Variants in CLCNKB observed in about 807,000 individuals in gnomAD.
CLCNKB encodes the protein chloride voltage-gated channel Kb, also known as chloride channel protein ClC-Kb.
CLCNKB carries 74 observed loss-of-function variants against 83.8 expected under a neutral mutation model. The observed-to-expected ratio is 0.88, with a 90% CI of 0.73 to 1.07. The LOEUF is 1.07. Ranked by LOEUF, CLCNKB falls within the 50% of genes least tolerant of loss-of-function variation. The pLI, the probability that CLCNKB is intolerant of heterozygous loss-of-function variation, is 0.00. For missense variants in CLCNKB, 798 were observed against 893.6 expected (o/e 0.89, Z 1.36); for synonymous variants, 358 against 356.6 (o/e 1.00, Z -0.04).
chr1:16,046,052 A>G (rs1483793253), intron 3 of CLCNKB, among the ~76,000 whole-genome samples: 2 of 152,120 alleles, frequency 1.3e-5, no homozygotes, highest in East Asian at 3.9e-4. Context: ...ATCCCACCCC[A>G]TCCCTCAGCA....
rs374011061 is a variant in CLCNKB, at chr1:16,049,962, CT to C, written c.968+47del. On this transcript the variant is annotated intron_variant, in intron 10 of 19. Coordinates refer to ENST00000375679, the MANE Select transcript of CLCNKB (RefSeq NM_000085.5). ...TGGGGACCTCTCAGCGAGCTCCCCC[CT>C]CACCGTACTCCCAACCTTATGTAGA... The C allele has an allele frequency of 2.3e-3, 3,410 of 1,484,122 alleles. 32 individuals are homozygous for C. Among genetic ancestry groups the C allele is most frequent in the Middle Eastern group, 8.4e-3 (49 of 5,828 alleles). 91.9% of individuals were successfully genotyped at this position (1,484,122 alleles called of 1,614,324 possible).
chr1:16,055,555 C>CGGGGGG, intron 17 of CLCNKB, 32 bp downstream of exon 17: 4 of 697,144 alleles, frequency 5.7e-6, no homozygotes, highest in Non-Finnish European at 9.9e-6. Flanking sequence ...GGGGATGGGG[C>CGGGGGG]GGGGGTGGGT....
rs1277993327 is a variant in CLCNKB, at chr1:16,049,816, G to A, written c.868G>A (p.Gly290Ser). Residue 290 changes from glycine to serine, a missense_variant and splice_region_variant, in exon 10 of 20, where the codon GGT becomes AGT. Transcript: ENST00000375679. ...PEIFFFVALG[G>S]LCGILGSAYL... ...GGCTCATGTCTCCATGCTCCCCAGGGGTCTCTGTGGCATCCTGGGCAGCGC... is the reference window on the plus strand; with the variant it reads ...GGCTCATGTCTCCATGCTCCCCAGGAGTCTCTGTGGCATCCTGGGCAGCGC... 2 of 1,613,678 alleles carry A rather than the reference G, an allele frequency of 1.2e-6. No individual in the cohort carries two copies. Among genetic ancestry groups the A allele is most frequent in the East Asian group, 2.2e-5 (1 of 44,858 alleles).
rs1048569990 is a variant in CLCNKB, at chr1:16,048,435, G to A, written c.576+15G>A. On this transcript the variant is annotated intron_variant, in intron 6 of 19. Coordinates refer to ENST00000375679, the MANE Select transcript of CLCNKB (RefSeq NM_000085.5). Reference sequence around the variant, plus strand: ...GGGAGCCTGAGGTTAGGGACTCGGGGGCTTCCTTGGAGAAATGGGAGTGGG... The same window carrying A: ...GGGAGCCTGAGGTTAGGGACTCGGGAGCTTCCTTGGAGAAATGGGAGTGGG... 5.6e-6 allele frequency: 9 copies of A among 1,613,792 alleles called. No homozygotes were observed. The highest frequency in any genetic ancestry group is 1.3e-5 in the African/African-American group (1 of 74,868).
At chr1:16,050,770 G>C in intron 11 of CLCNKB, 105 bp from the exon 12 acceptor site, 1 of 1,572,806 alleles carries the variant, frequency 6.4e-7, no homozygotes, top group South Asian at 1.1e-5. Context: ...GCCCCCCGCT[G>C]GGAAGTGGCA....
rs1191726071 is a variant in CLCNKB, at chr1:16,055,759, G to C, written c.1929+1G>C. ...GTCCCCAGAGACTTCCCTGCATGAG[G>C]TAACGGGGAGAACTGGGGAGTGTGA... is the stretch of plus-strand genomic sequence containing the variant. On this transcript the variant is annotated splice_donor_variant, in intron 18 of 19. Transcript: ENST00000375679. LOFTEE classifies it high-confidence loss of function. The C allele has an allele frequency of 6.2e-7, 1 of 1,613,502 alleles. No homozygotes were observed. Among genetic ancestry groups the C allele is most frequent in the South Asian group, 1.1e-5 (1 of 91,068 alleles).
intron 18 of CLCNKB, 131 bp from the exon 19 acceptor site, chr1:16,056,291 G>A: frequency 3.1e-6 from 3 of 963,500 alleles, no homozygotes; most frequent in Non-Finnish European, 5.1e-6. Context: ...GGACATTGCA[G>A]GCCTGGGTCT....
At chr1:16,048,247 T>C in intron 5 of CLCNKB, 96 bp from the exon 6 acceptor site, 2 of 1,521,308 alleles carry the variant, frequency 1.3e-6, no homozygotes, top group Non-Finnish European at 1.8e-6. Flanking sequence ...GCTTGGGAGA[T>C]GGAGGAGGGG....
chr1:16,056,439 G>C lies in CLCNKB; in HGVS notation c.1947G>C (p.Glu649Asp). The C allele has an allele frequency of 6.2e-7, 1 of 1,614,096 alleles. No homozygotes were observed. Among genetic ancestry groups the C allele is most frequent in the Non-Finnish European group, 8.5e-7 (1 of 1,180,010 alleles). ...CCATCCAGGCACACAACCTCTTTGA[G>C]CTGTTGAACCTTCATTCCCTCTTTG... is the stretch of plus-strand genomic sequence containing the variant. ...TSLHEAHNLF[E>D]LLNLHSLFVT... The change falls in exon 19 of 20, where the codon GAG becomes GAC. Residue 649 changes from glutamate (E) to aspartate (D), a missense_variant. Transcript: ENST00000375679.
intron 5 of CLCNKB, 113 bp from the exon 6 acceptor site, chr1:16,048,230 C>A: frequency 1.4e-6 from 2 of 1,478,680 alleles, no homozygotes; most frequent in Non-Finnish European, 1.9e-6. Flanking sequence ...TGAGGACGGC[C>A]GTGGGGGCTT....
In CLCNKB at chr1:16,045,625, C is replaced by T. The variant is rs1278372772; in HGVS notation, c.168C>T (p.Leu56=). ...AGGACTGGTACTTCCTGATGACCCT[C>T]GGGGTGCTCATGGCCCTGGTCAGCT... ...LGEDWYFLMT[L]GVLMALVSCA... Residue 56 remains leucine, a synonymous_variant, in exon 3 of 20, where the codon CTC becomes CTT. Transcript: ENST00000375679. The T allele has an allele frequency of 8.7e-6, 14 of 1,613,982 alleles. 1 individual carries two copies. Among genetic ancestry groups the T allele is most frequent in the Non-Finnish European group, 1.2e-5 (14 of 1,179,972 alleles).
intron 9 of CLCNKB, 39 bp downstream of exon 9, chr1:16,049,741 A>G (rs34665492): frequency 1.1e-5 from 16 of 1,487,518 alleles, no homozygotes; most frequent in East Asian, 2.5e-5. Context: ...TCCAAAAGGC[A>G]TTCCCCCCAA....
At position 16,044,356 on chromosome 1, in the gene CLCNKB, T is replaced by TACACACACACACACACACAC. The variant is rs1553127093; in HGVS notation, c.-7-127_-7-108dup. 4.4e-3 allele frequency: 1,664 copies of TACACACACACACACACACAC among 375,244 alleles called. 15 individuals are homozygous for TACACACACACACACACACAC. The highest frequency in any genetic ancestry group is 0.022 in the African/African-American group (1,047 of 46,734). The allele number at this position is 375,244 out of a possible 1,614,324, so 23.2% of individuals were successfully genotyped here. A position where few individuals can be genotyped will look rare whatever the true frequency, so the allele number is the denominator to read the frequency against. Reference sequence around the variant, plus strand: ...ACAGACCTAGTGTGATAACTTCACATACACACACACACACACACACACGCA... The same window carrying TACACACACACACACACACAC: ...ACAGACCTAGTGTGATAACTTCACATACACACACACACACACACACACACACACACACACACACACACGCA... On this transcript the variant is annotated intron_variant, in intron 1 of 19. Coordinates refer to ENST00000375679, the MANE Select transcript of CLCNKB (RefSeq NM_000085.5).
chr1:16,055,651 C>A, intron 17 of CLCNKB, 24 bp from the exon 18 acceptor site: 3 of 1,613,038 alleles, frequency 1.9e-6, no homozygotes, highest in Non-Finnish European at 2.5e-6. Context: ...CAGCCCTGCA[C>A]CTGTAACCCT....
rs760353772 is a variant in CLCNKB at position 16,048,339 on chromosome 1, G to T, written c.499-4G>T. On this transcript the variant is annotated splice_region_variant and splice_polypyrimidine_tract_variant and intron_variant, in intron 5 of 19. Coordinates refer to ENST00000375679, the MANE Select transcript of CLCNKB (RefSeq NM_000085.5). Reference sequence around the variant, plus strand: ...GGGCCCTGGGCCCACCCTTCTCTCTGCAGGGCCCTTTCGTGCACCTGTCTG... The same window carrying T: ...GGGCCCTGGGCCCACCCTTCTCTCTTCAGGGCCCTTTCGTGCACCTGTCTG... The T allele has an allele frequency of 1.5e-4, 243 of 1,613,842 alleles. No individual in the cohort carries two copies. Among genetic ancestry groups the T allele is most frequent in the Non-Finnish European group, 2.0e-4 (233 of 1,180,004 alleles).
chr1:16,048,133 A>T (rs965969139), intron 5 of CLCNKB, 89 bp downstream of exon 5: 22 of 1,521,244 alleles, frequency 1.4e-5, no homozygotes, highest in Non-Finnish European at 1.8e-5. Context: ...GCTGCGTCAG[A>T]GGGGACTTGG....
chr1:16,050,748 G>A, intron 11 of CLCNKB, 127 bp from the exon 12 acceptor site: 4 of 1,524,224 alleles, frequency 2.6e-6, no homozygotes, highest in Non-Finnish European at 3.6e-6. Context: ...GGAGGTCAGA[G>A]CCCTGCCCAA....
In CLCNKB at chr1:16,049,999, C is replaced by G. The variant is rs72651918; in HGVS notation, c.968+83C>G. 0.15 allele frequency: 127,114 copies of G among 863,878 alleles called. 13,451 individuals carry two copies. Among genetic ancestry groups the G allele is most frequent in the East Asian group, 0.26 (9,718 of 37,064 alleles). 53.5% of individuals were successfully genotyped at this position (863,878 alleles called of 1,614,324 possible). A position where few individuals can be genotyped will look rare whatever the true frequency, so the allele number is the denominator to read the frequency against. On this transcript the variant is annotated intron_variant, in intron 10 of 19. Coordinates refer to ENST00000375679, the MANE Select transcript of CLCNKB (RefSeq NM_000085.5). ...CCAACCTTATGTAGAAAGCTCTACC[C>G]GCCACCTGAGCCCCTAAAGCCCATC...
chr1:16,055,077 G>C (rs1217015164), intron 16 of CLCNKB, among the ~76,000 whole-genome samples: 1 of 152,146 alleles, frequency 6.6e-6, no homozygotes, highest in East Asian at 1.9e-4. Flanking sequence ...AAGCCTCTTG[G>C]GAAATGAAGG....
Sources: allele counts gnomAD v4.1 joint callset (sites outside exome capture counted in the v4.1 genomes callset), GRCh38; gene constraint gnomAD v4.1.1; transcripts MANE v1.5; gene names NCBI Gene and HGNC (gene_info 2026-07-23, HGNC 2026-07-21).